The following LIPI variants were observed in gnomAD, a reference collection of about 807,000 sequenced individuals.
LIPI encodes the protein lipase I.
Under a neutral mutation model 50.6 loss-of-function variants are expected in LIPI, and 59 were observed. The ratio of observed to expected loss-of-function variants is 1.16; its 90% CI spans 0.94 to 1.45. The LOEUF (loss-of-function observed/expected upper bound fraction) is 1.45, where lower values mean the gene tolerates loss of function less well. Ranked by LOEUF, LIPI falls within the 40% of genes most tolerant of loss-of-function variation. The probability of loss-of-function intolerance (pLI) is 0.00; values close to 1 mark genes in which losing one functional copy is unlikely to be tolerated. For missense variants in LIPI, 586 were observed against 536.3 expected, an observed-to-expected ratio of 1.09 and a Z score of -0.92; for synonymous variants, 203 against 178.2, an observed-to-expected ratio of 1.14 and a Z score of -1.11.
intron 3 of LIPI, among the ~76,000 whole-genome samples, chr21:14,185,524 CAT>C (rs1439117206): frequency 6.6e-6 from 1 of 151,978 alleles, no homozygotes. Context: ...TTAAATATAA[CAT>C]AGAAAAAATA....
At chr21:14,209,657 T>C (rs2020314946) in intron 1 of LIPI, among the ~76,000 whole-genome samples, 1 of 152,168 alleles carries the variant, frequency 6.6e-6, no homozygotes, top group African/African-American at 2.4e-5. Context: ...CAATTATGTT[T>C]GAATTTTCCC....
intron 2 of LIPI, among the ~76,000 whole-genome samples, chr21:14,186,546 C>T (rs374721543): frequency 2.0e-5 from 3 of 152,184 alleles, no homozygotes; most frequent in East Asian, 3.9e-4. Context: ...AAGGAAACTG[C>T]CAGAAGTAAC....
intron 1 of LIPI, among the ~76,000 whole-genome samples, chr21:14,199,126 A>C (rs997155118): frequency 2.6e-5 from 4 of 152,156 alleles, no homozygotes; most frequent in African/African-American, 9.7e-5. Context: ...ATAGCACTAA[A>C]TGACCACATC....
intron 9 of LIPI, among the ~76,000 whole-genome samples, chr21:14,142,829 G>A (rs1007622810): frequency 7.9e-5 from 12 of 151,702 alleles, no homozygotes; most frequent in African/African-American, 2.9e-4. Context: ...ACTATAATTA[G>A]TATATTAACT....
At chr21:14,124,454 T>C (rs1390682719) in intron 9 of LIPI, among the ~76,000 whole-genome samples, 1 of 152,170 alleles carries the variant, frequency 6.6e-6, no homozygotes, top group Non-Finnish European at 1.5e-5. Flanking sequence ...CTGTTTTTCC[T>C]TCTGTGCTCA....
chr21:14,162,308 G>T (rs1455611598), intron 7 of LIPI, among the ~76,000 whole-genome samples: 1 of 150,684 alleles, frequency 6.6e-6, no homozygotes, highest in African/African-American at 2.4e-5. Context: ...AATGGATACC[G>T]GGGGGATGGG....
At chr21:14,148,766 T>C (rs1449540386) in intron 8 of LIPI, among the ~76,000 whole-genome samples, 2 of 152,230 alleles carry the variant, frequency 1.3e-5, no homozygotes, top group Admixed American at 6.5e-5. Context: ...TGTTAAATGA[T>C]GAATGACTGT....
At chr21:14,141,299 C>G (rs1180757491) in intron 9 of LIPI, among the ~76,000 whole-genome samples, 1 of 151,802 alleles carries the variant, frequency 6.6e-6, no homozygotes, top group Non-Finnish European at 1.5e-5. Flanking sequence ...TCTCCTTATT[C>G]TATAAGTTAT....
chr21:14,171,997 A>G (rs1426965844), intron 4 of LIPI, among the ~76,000 whole-genome samples: 2 of 151,884 alleles, frequency 1.3e-5, no homozygotes, highest in Non-Finnish European at 2.9e-5. Flanking sequence ...CAGAATCTAC[A>G]ATGAACTCAA....
intron 4 of LIPI, among the ~76,000 whole-genome samples, chr21:14,181,114 C>T (rs955965756): frequency 1.3e-5 from 2 of 152,104 alleles, no homozygotes; most frequent in Non-Finnish European, 1.5e-5. Context: ...CTAATTAATT[C>T]ATACAAGCAC....
chr21:14,190,741 A>G (rs1459093552), intron 1 of LIPI, among the ~76,000 whole-genome samples: 1 of 152,202 alleles, frequency 6.6e-6, no homozygotes, highest in East Asian at 1.9e-4. Context: ...AGAGAAATAT[A>G]TTGAAACACA....
intron 4 of LIPI, among the ~76,000 whole-genome samples, chr21:14,166,831 C>A (rs2018703539): frequency 6.6e-6 from 1 of 152,190 alleles, no homozygotes. Context: ...GTACCGGGTT[C>A]ATCTCACTAG....
At chr21:14,142,872 A>G (rs1392869528) in intron 9 of LIPI, among the ~76,000 whole-genome samples, 2 of 152,122 alleles carry the variant, frequency 1.3e-5, no homozygotes, top group Non-Finnish European at 2.9e-5. Flanking sequence ...TTTAATATCT[A>G]TCAACTCAAT....
At chr21:14,170,854 G>A (rs2018872652) in intron 4 of LIPI, among the ~76,000 whole-genome samples, 1 of 151,650 alleles carries the variant, frequency 6.6e-6, no homozygotes, top group African/African-American at 2.4e-5. Context: ...AGTGTTGGAA[G>A]TTCTGGCCAG....
chr21:14,154,189 C>T, intron 7 of LIPI, among the ~76,000 whole-genome samples: 1 of 150,806 alleles, frequency 6.6e-6, no homozygotes, highest in East Asian at 1.9e-4. Context: ...TCAATGAATA[C>T]ATTCAGTCTG....
In LIPI at chr21:14,203,177, G is replaced by T. The variant is rs894436329; in HGVS notation, c.46+7623C>A. On this transcript the variant is annotated intron_variant, in intron 1 of 9. Transcript: ENST00000681601. ...TAGAATGGTGATCATTAAAAAGTCA[G>T]GAAACAACAGGTGCTGGAGAGGATG... Among the ~76,000 whole-genome samples, 80 of 152,210 alleles carry T rather than the reference G, an allele frequency of 5.3e-4. No homozygotes were observed. The South Asian group carries it at 6.4e-3, about 12-fold the overall frequency.
intron 1 of LIPI, among the ~76,000 whole-genome samples, chr21:14,191,161 G>A (rs924842500): frequency 2.6e-5 from 4 of 151,804 alleles, no homozygotes; most frequent in East Asian, 1.9e-4. Context: ...GGCGGATCAC[G>A]AGGTCAGGAG....
chr21:14,131,050 A>C (rs1478035547), intron 9 of LIPI, among the ~76,000 whole-genome samples: 1 of 152,158 alleles, frequency 6.6e-6, no homozygotes, highest in East Asian at 1.9e-4. Flanking sequence ...TCCCAGGTTC[A>C]TGCCACTCTC....
At chr21:14,147,316 T>A (rs2017942576) in intron 8 of LIPI, among the ~76,000 whole-genome samples, 1 of 152,172 alleles carries the variant, frequency 6.6e-6, no homozygotes, top group Non-Finnish European at 1.5e-5. Context: ...ATGTCAAGAC[T>A]TTTTTATGAA....
Sources: allele counts gnomAD v4.1 joint callset (sites outside exome capture counted in the v4.1 genomes callset), GRCh38; gene constraint gnomAD v4.1.1; transcripts MANE v1.5; gene names NCBI Gene and HGNC (gene_info 2026-07-23, HGNC 2026-07-21).